The following B3GALT1 variants were observed in gnomAD, a reference collection of about 807,000 sequenced individuals.
The protein encoded by B3GALT1 is UDP-Gal:betaGlcNAc beta 1,3-galactosyltransferase, polypeptide 1.
A neutral mutation model predicts 23.2 loss-of-function variants in B3GALT1; 10 were observed. The ratio of observed to expected loss-of-function variants is 0.43; its 90% CI spans 0.27 to 0.73. The LOEUF is 0.73. Among genes scored for constraint, B3GALT1 ranks in the 30% least tolerant of loss-of-function variants. B3GALT1 has a pLI of 0.21. For missense variants in B3GALT1, 299 were observed against 405.4 expected (o/e 0.74, Z 2.25); for synonymous variants, 156 against 141.5 (o/e 1.10, Z -0.73).
intron 3 of B3GALT1, among the ~76,000 whole-genome samples, chr2:167,651,367 G>T (rs1196188410): frequency 6.6e-6 from 1 of 151,934 alleles, no homozygotes; most frequent in Non-Finnish European, 1.5e-5. Context: ...GTTTAGTCCA[G>T]ACAGTACTAC....
intron 2 of B3GALT1, among the ~76,000 whole-genome samples, chr2:167,603,248 AT>A (rs1265158868): frequency 6.6e-6 from 1 of 152,124 alleles, no homozygotes; most frequent in Non-Finnish European, 1.5e-5. Flanking sequence ...ACAACTTTAT[AT>A]ATCTCAAAAT....
intron 2 of B3GALT1, among the ~76,000 whole-genome samples, chr2:167,584,663 C>G (rs191074353): frequency 6.6e-6 from 1 of 152,252 alleles, no homozygotes; most frequent in East Asian, 1.9e-4. Context: ...GACTGACTGG[C>G]TATAAATCGG....
intron 3 of B3GALT1, among the ~76,000 whole-genome samples, chr2:167,672,426 C>T (rs1686348114): frequency 1.3e-5 from 2 of 152,130 alleles, no homozygotes; most frequent in Admixed American, 6.5e-5. Context: ...TAAAAATGCA[C>T]AGCCCTAATG....
At chr2:167,846,133 G>A (rs1043555831) in intron 4 of B3GALT1, among the ~76,000 whole-genome samples, 1 of 152,108 alleles carries the variant, frequency 6.6e-6, no homozygotes, top group Non-Finnish European at 1.5e-5. Flanking sequence ...AGAATAATCC[G>A]TGTTCCTGAG....
chr2:167,840,762 A>G (rs1689628019), intron 4 of B3GALT1, among the ~76,000 whole-genome samples: 3 of 149,696 alleles, frequency 2.0e-5, no homozygotes, highest in African/African-American at 7.4e-5. Context: ...AATAGCAAAG[A>G]CTTGGAACCA....
At chr2:167,503,878 A>C (rs1394882075) in intron 2 of B3GALT1, among the ~76,000 whole-genome samples, 1 of 152,170 alleles carries the variant, frequency 6.6e-6, no homozygotes, top group Non-Finnish European at 1.5e-5. Flanking sequence ...TGCTGTATGC[A>C]TGGATTCCAT....
chr2:167,775,538 T>C (rs896682280), intron 3 of B3GALT1, among the ~76,000 whole-genome samples: 4 of 146,026 alleles, frequency 2.7e-5, no homozygotes, highest in Admixed American at 2.1e-4. Flanking sequence ...CACTGCACTC[T>C]AGCTGGGACA....
chr2:167,534,662 A>C (rs1025814238), intron 2 of B3GALT1, among the ~76,000 whole-genome samples: 1 of 152,172 alleles, frequency 6.6e-6, no homozygotes, highest in Non-Finnish European at 1.5e-5. Flanking sequence ...TACCATAAGA[A>C]CCTTTAATTT....
At chr2:167,407,364 CAATAAAT>C (rs1698298050) in intron 1 of B3GALT1, among the ~76,000 whole-genome samples, 1 of 151,978 alleles carries the variant, frequency 6.6e-6, no homozygotes, top group African/African-American at 2.4e-5. Context: ...AAGTTGATAG[CAATAAAT>C]GCCTATATCA....
At chr2:167,792,363 C>A (rs1436034513) in intron 3 of B3GALT1, among the ~76,000 whole-genome samples, 1 of 152,184 alleles carries the variant, frequency 6.6e-6, no homozygotes, top group Non-Finnish European at 1.5e-5. Context: ...GGCTCCAAGG[C>A]ATTTGTAGTT....
intron 2 of B3GALT1, among the ~76,000 whole-genome samples, chr2:167,520,301 C>T (rs1700169268): frequency 9.3e-6 from 1 of 107,702 alleles, no homozygotes; most frequent in Non-Finnish European, 1.7e-5. Context: ...AATTAAATGC[C>T]CTTTATACAT....
intron 1 of B3GALT1, among the ~76,000 whole-genome samples, chr2:167,331,030 G>A (rs1309660091): frequency 6.6e-6 from 1 of 152,030 alleles, no homozygotes; most frequent in Admixed American, 6.6e-5. Context: ...CTGTGGTGTT[G>A]AGTGTAGCAC....
chr2:167,786,207 G>T (rs1688342580), intron 3 of B3GALT1, among the ~76,000 whole-genome samples: 1 of 152,170 alleles, frequency 6.6e-6, no homozygotes, highest in African/African-American at 2.4e-5. Context: ...TAGAAAATCT[G>T]GGTTTTAGTT....
chr2:167,736,970 C>A (rs1485077709), intron 3 of B3GALT1, among the ~76,000 whole-genome samples: 3 of 134,346 alleles, frequency 2.2e-5, no homozygotes, highest in Non-Finnish European at 4.6e-5. Flanking sequence ...CCAATGAATT[C>A]ATTCTGATAA....
At chr2:167,865,658 G>A (rs1245879218) in intron 4 of B3GALT1, among the ~76,000 whole-genome samples, 1 of 152,120 alleles carries the variant, frequency 6.6e-6, no homozygotes, top group South Asian at 2.1e-4. Context: ...CAGGCGTGGT[G>A]GCGGGTGCCT....
At chr2:167,495,077 T>G (rs1376196080) in intron 2 of B3GALT1, among the ~76,000 whole-genome samples, 2 of 152,178 alleles carry the variant, frequency 1.3e-5, no homozygotes, top group East Asian at 3.9e-4. Context: ...GTTTAATGTT[T>G]GTAACACAGT....
At chr2:167,589,272 T>C (rs909566383) in intron 2 of B3GALT1, among the ~76,000 whole-genome samples, 1 of 152,180 alleles carries the variant, frequency 6.6e-6, no homozygotes, top group Non-Finnish European at 1.5e-5. Context: ...ATATGTTAGA[T>C]ATGTTTCTTT....
chr2:167,670,845 C>A (rs1686313291), intron 3 of B3GALT1, among the ~76,000 whole-genome samples: 1 of 151,830 alleles, frequency 6.6e-6, no homozygotes, highest in African/African-American at 2.4e-5. Flanking sequence ...ACTATTCAAT[C>A]AGAGGAGAAA....
chr2:167,534,899 G>A (rs1443228552), intron 2 of B3GALT1, among the ~76,000 whole-genome samples: 3 of 152,118 alleles, frequency 2.0e-5, no homozygotes, highest in African/African-American at 7.2e-5. Flanking sequence ...TCTGCATTAG[G>A]CACTAATTAT....
Sources: gnomAD v4.1 joint callset for allele counts (sites outside exome capture counted in the v4.1 genomes callset) on GRCh38, gnomAD v4.1.1 for gene constraint, MANE v1.5 for transcripts, NCBI Gene and HGNC (gene_info 2026-07-23, HGNC 2026-07-21) for gene names.